The following ANKRD12 variants were observed in gnomAD, a reference collection of about 807,000 sequenced individuals.
ANKRD12 encodes the protein ankyrin repeat domain-containing protein 12.
Under a neutral mutation model 183.4 loss-of-function variants are expected in ANKRD12, and 85 were observed. That is an observed-to-expected ratio of 0.46 (90% CI 0.39 to 0.56). The LOEUF (loss-of-function observed/expected upper bound fraction) is 0.56. Ranked by LOEUF, ANKRD12 falls within the 20% of genes least tolerant of loss-of-function variation. The probability of loss-of-function intolerance (pLI) is 0.00; values close to 1 mark genes in which losing one functional copy is unlikely to be tolerated. For synonymous variants in ANKRD12, 914 were observed against 800.2 expected (o/e 1.14, Z -2.40); for missense variants, 2,405 against 2,357.1 (o/e 1.02, Z -0.42).
chr18:9,144,971 T>C (rs1252405802), intron 1 of ANKRD12, among the ~76,000 whole-genome samples: 1 of 152,052 alleles, frequency 6.6e-6, no homozygotes, highest in African/African-American at 2.4e-5. Flanking sequence ...TTATGGACTT[T>C]TACAAGGAGT....
rs1471248886 is a variant in ANKRD12 at position 9,195,675 on chromosome 18, A to G, written c.212A>G (p.Asn71Ser). ...KLPFTISPSR[N>S]EERDSDTDSD... ...CCTTTTACTATTAGCCCATCAAGAA[A>G]TGAAGAACGAGATTCAGACACAGGT... The change falls in exon 3 of 13, where the codon AAT (asparagine) becomes AGT (serine). Residue 71 changes from asparagine (N) to serine (S), a missense_variant. By Grantham distance (46) the Asn-to-Ser change is conservative (BLOSUM62 1). This residue lies in a region of ANKRD12 where 145 missense variants were observed against 145.6 expected (regional missense o/e 1.00). Transcript: ENST00000262126. 2 of 1,611,256 alleles carry G rather than the reference A, an allele frequency of 1.2e-6. No homozygotes were observed. The highest frequency in any genetic ancestry group is 1.7e-6 in the Non-Finnish European group (2 of 1,178,734).
chr18:9,164,989 C>T (rs762284700), intron 1 of ANKRD12, among the ~76,000 whole-genome samples: 1 of 152,102 alleles, frequency 6.6e-6, no homozygotes, highest in South Asian at 2.1e-4. Context: ...CTAATATTGT[C>T]AGTGGGGTGT....
At chr18:9,178,687 A>G (rs2033479514) in intron 1 of ANKRD12, among the ~76,000 whole-genome samples, 1 of 152,178 alleles carries the variant, frequency 6.6e-6, no homozygotes, top group Non-Finnish European at 1.5e-5. Flanking sequence ...AAAACAAAAA[A>G]ATAGATCCTG....
At chr18:9,223,090 C>T (rs895307303) in intron 8 of ANKRD12, among the ~76,000 whole-genome samples, 2 of 152,004 alleles carry the variant, frequency 1.3e-5, no homozygotes, top group Non-Finnish European at 2.9e-5. Flanking sequence ...AAAATTAAAA[C>T]CAACAACAAC....
rs35323428 is a variant in ANKRD12, at chr18:9,245,227, A to G, written c.944-8984A>G. On this transcript the variant is annotated intron_variant, in intron 8 of 12. Transcript: ENST00000262126. Reference sequence around the variant, plus strand: ...CCCTTTGGGAGGCCAAAGCAGGCAGATTACTTGAGCCCAGGAGTTCGAGAG... The same window carrying G: ...CCCTTTGGGAGGCCAAAGCAGGCAGGTTACTTGAGCCCAGGAGTTCGAGAG... Among the ~76,000 whole-genome samples the G allele has an allele frequency of 2.8e-3, 428 of 151,968 alleles. 1 individual carries two copies. Among genetic ancestry groups the G allele is most frequent in the Non-Finnish European group, 4.8e-3 (324 of 67,954 alleles).
At chr18:9,250,767 G>A (rs1244345772) in intron 8 of ANKRD12, among the ~76,000 whole-genome samples, 5 of 152,140 alleles carry the variant, frequency 3.3e-5, no homozygotes, top group African/African-American at 7.2e-5. Context: ...GCTGAATTTC[G>A]AAGTTGAGGA....
intron 4 of ANKRD12, among the ~76,000 whole-genome samples, chr18:9,208,216 GT>G (rs1370676380): frequency 1.3e-5 from 2 of 152,288 alleles, no homozygotes; most frequent in Admixed American, 6.5e-5. Flanking sequence ...CTCGTTGGAA[GT>G]TTGTATAAAT....
At chr18:9,140,179 A>G (rs969520938) in intron 1 of ANKRD12, among the ~76,000 whole-genome samples, 1 of 152,236 alleles carries the variant, frequency 6.6e-6, no homozygotes, top group African/African-American at 2.4e-5. Context: ...TAATGTTTTC[A>G]TGTGGAACAA....
intron 1 of ANKRD12, among the ~76,000 whole-genome samples, chr18:9,143,655 T>C (rs554098981): frequency 6.6e-6 from 1 of 152,278 alleles, no homozygotes. Context: ...AGAGATGGGG[T>C]TTCACTATGT....
chr18:9,160,951 T>C (rs1403201603), intron 1 of ANKRD12, among the ~76,000 whole-genome samples: 1 of 152,220 alleles, frequency 6.6e-6, no homozygotes, highest in African/African-American at 2.4e-5. Context: ...GTAGTCAGTA[T>C]TCATCCATCA....
chr18:9,215,413 T>C (rs2036041342), intron 6 of ANKRD12, among the ~76,000 whole-genome samples: 1 of 152,148 alleles, frequency 6.6e-6, no homozygotes, highest in South Asian at 2.1e-4. Flanking sequence ...GTCATCAATT[T>C]CTTCCTGAAG....
chr18:9,188,745 G>C (rs2034266538), intron 2 of ANKRD12, among the ~76,000 whole-genome samples: 1 of 152,194 alleles, frequency 6.6e-6, no homozygotes, highest in African/African-American at 2.4e-5. Flanking sequence ...TTATCATGAT[G>C]ATGATTAGTG....
intron 8 of ANKRD12, among the ~76,000 whole-genome samples, chr18:9,242,397 A>C (rs2037714175): frequency 1.3e-5 from 2 of 152,122 alleles, no homozygotes; most frequent in African/African-American, 2.4e-5. Context: ...AAAACTCTCC[A>C]TAAAGGGTAC....
intron 7 of ANKRD12, among the ~76,000 whole-genome samples, chr18:9,217,799 G>C (rs979919485): frequency 1.3e-5 from 2 of 152,054 alleles, no homozygotes; most frequent in Non-Finnish European, 2.9e-5. Flanking sequence ...GTACTACCAT[G>C]CATACTGGCA....
rs148963819 is a variant in ANKRD12 at position 9,258,518 on chromosome 18, C to G, written c.5251C>G (p.Leu1751Val). The change falls in exon 9 of 13, where the codon CTT becomes GTT. Residue 1751 changes from leucine to valine, a missense_variant. Leu to Val is a conservative substitution (Grantham distance 32). This residue lies in a region of ANKRD12 where 1,983 missense variants were observed against 1,725.9 expected (regional missense o/e 1.15). Transcript: ENST00000262126. Reference sequence around the variant, plus strand: ...AATGGCAAATCAAAGCAAACAGATTCTTGCTAGCTGTACACTATTATCAGA... The same window carrying G: ...AATGGCAAATCAAAGCAAACAGATTGTTGCTAGCTGTACACTATTATCAGA... ...NTMANQSKQILASCTLLSEKD... is the reference protein window; with the variant it reads ...NTMANQSKQIVASCTLLSEKD... The G allele has an allele frequency of 2.7e-4, 429 of 1,613,604 alleles. No individual in the cohort carries two copies. Among genetic ancestry groups the G allele is most frequent in the Non-Finnish European group, 3.2e-4 (377 of 1,179,920 alleles).
intron 1 of ANKRD12, among the ~76,000 whole-genome samples, chr18:9,152,286 T>C (rs2078708542): frequency 6.6e-6 from 1 of 152,200 alleles, no homozygotes; most frequent in Admixed American, 6.5e-5. Flanking sequence ...AGCTTTATCC[T>C]ATAGGGAAAA....
chr18:9,227,181 A>G (rs2036767951), intron 8 of ANKRD12, among the ~76,000 whole-genome samples: 1 of 152,122 alleles, frequency 6.6e-6, no homozygotes, highest in African/African-American at 2.4e-5. Flanking sequence ...AAAGATATGT[A>G]ATATATATAC....
intron 8 of ANKRD12, among the ~76,000 whole-genome samples, chr18:9,244,819 C>A (rs1474169189): frequency 2.6e-5 from 4 of 152,052 alleles, no homozygotes; most frequent in Admixed American, 2.6e-4. Context: ...AGAGGACAAG[C>A]CTAAGGTTTC....
intron 1 of ANKRD12, among the ~76,000 whole-genome samples, chr18:9,178,804 T>C (rs1013900613): frequency 3.3e-5 from 5 of 152,190 alleles, no homozygotes; most frequent in Non-Finnish European, 5.9e-5. Context: ...TTTCCATATA[T>C]TTAGATCTTT....
Sources: allele counts gnomAD v4.1 joint callset (sites outside exome capture counted in the v4.1 genomes callset), GRCh38; gene constraint gnomAD v4.1.1; regional missense constraint gnomAD v4.1.1; transcripts MANE v1.5; gene names NCBI Gene and HGNC (gene_info 2026-07-23, HGNC 2026-07-21).